Variants in CASZ1 observed in about 807,000 individuals in gnomAD.
CASZ1 encodes the protein castor zinc finger 1.
Under a neutral mutation model 135.2 loss-of-function variants are expected in CASZ1, and 28 were observed. The ratio of observed to expected loss-of-function variants is 0.21; its 90% CI spans 0.15 to 0.28. The LOEUF (loss-of-function observed/expected upper bound fraction) is 0.28. Ranked by LOEUF, CASZ1 falls within the 10% of genes least tolerant of loss-of-function variation. The pLI is 1.00. For missense variants in CASZ1, 2,161 were observed against 2,453.3 expected, an observed-to-expected ratio of 0.88 and a Z score of 2.52; for synonymous variants, 1,068 against 1,073.4, an observed-to-expected ratio of 0.99 and a Z score of 0.10.
intron 2 of CASZ1, among the ~76,000 whole-genome samples, chr1:10,754,642 C>T (rs890020169): frequency 7.9e-5 from 12 of 152,270 alleles, no homozygotes; most frequent in East Asian, 5.8e-4. Flanking sequence ...GAGGGGTGCC[C>T]GAGGGGACCC....
At chr1:10,655,900 C>CT (rs1642774339) in intron 8 of CASZ1, 87 bp from the exon 9 acceptor site, 2 of 1,406,686 alleles carry the variant, frequency 1.4e-6, no homozygotes. Flanking sequence ...GGGCCAGGTG[C>CT]TGGCCTCAGG....
intron 1 of CASZ1, among the ~76,000 whole-genome samples, chr1:10,795,888 C>T (rs1241836672): frequency 3.3e-5 from 5 of 152,172 alleles, no homozygotes; most frequent in African/African-American, 1.2e-4. Context: ...GCGAACACTG[C>T]CTACCTCTGC....
rs187833609 is a variant in CASZ1, at chr1:10,702,295, G to A, written c.-24+3197C>T. Among the ~76,000 whole-genome samples the A allele has an allele frequency of 7.4e-4, 113 of 152,248 alleles. 1 individual carries two copies. The highest frequency in any genetic ancestry group is 6.8e-3 in the Middle Eastern group (2 of 294). ...GCACCTGCACCCTTTCAAGGAGCGC[G>A]CCCAGCTTCCAGAAGGTCCACAGAG... On this transcript the variant is annotated intron_variant, in intron 3 of 20. Coordinates refer to ENST00000377022, the MANE Select transcript of CASZ1 (RefSeq NM_001079843.3).
In CASZ1 at chr1:10,755,821, C is replaced by T. The variant is rs925380737; in HGVS notation, c.-77+4880G>A. On this transcript the variant is annotated intron_variant, in intron 2 of 20. Coordinates refer to ENST00000377022, the MANE Select transcript of CASZ1 (RefSeq NM_001079843.3). The surrounding 1 kb of genome is among the most constrained non-coding windows in gnomAD (Gnocchi z 4.3). ...ACCCATCCTCTGGAGCACCACATCACGGTGGGAGGTGGGGAACCCTCCTGC... is the reference window on the plus strand; with the variant it reads ...ACCCATCCTCTGGAGCACCACATCATGGTGGGAGGTGGGGAACCCTCCTGC... Among the ~76,000 whole-genome samples, 3 of 152,112 alleles carry T rather than the reference C, an allele frequency of 2.0e-5. No homozygotes were observed. Among genetic ancestry groups the T allele is most frequent in the East Asian group, 1.9e-4 (1 of 5,170 alleles).
Position 10,653,697 on chromosome 1 carries a change from G to T in CASZ1, c.2360C>A (p.Ala787Asp), listed in dbSNP as rs1413609776. The change falls in exon 11 of 21, where the codon GCC becomes GAC. Residue 787 changes from alanine (A) to aspartate (D), a missense_variant. By Grantham distance (126) the Ala-to-Asp change is moderately radical (BLOSUM62 -2). Transcript: ENST00000377022. ...PQGLPGSIPL[A>D]LALSNSGLPT... ...CAGGCCCGAGTTGGAGAGGGCCAGG[G>T]CCAGGGGGATTGAGCCAGGCAGGCC... 7.6e-6 allele frequency: 12 copies of T among 1,587,388 alleles called. No individual in the cohort carries two copies. The highest frequency in any genetic ancestry group is 1.7e-4 in the Middle Eastern group (1 of 5,960).
At chr1:10,712,264 T>C (rs2100459859) in intron 2 of CASZ1, among the ~76,000 whole-genome samples, 1 of 152,148 alleles carries the variant, frequency 6.6e-6, no homozygotes, top group East Asian at 1.9e-4. Context: ...GAAAATCACT[T>C]GAACCTAGGA....
intron 1 of CASZ1, among the ~76,000 whole-genome samples, chr1:10,793,472 G>C (rs1481679806): frequency 6.6e-6 from 1 of 152,032 alleles, no homozygotes; most frequent in Non-Finnish European, 1.5e-5. Flanking sequence ...AACAAGGCAA[G>C]GGGAAAAAAA....
intron 2 of CASZ1, among the ~76,000 whole-genome samples, chr1:10,743,114 G>T (rs934823088): frequency 6.6e-6 from 1 of 152,094 alleles, no homozygotes; most frequent in Non-Finnish European, 1.5e-5. Flanking sequence ...CCCCAAATAG[G>T]AGTCCCTATG....
intron 1 of CASZ1, among the ~76,000 whole-genome samples, chr1:10,790,643 C>A (rs145701152): frequency 1.1e-4 from 16 of 152,300 alleles, no homozygotes; most frequent in Admixed American, 4.6e-4. Context: ...AGATTCATTC[C>A]GTGGACTCAC....
rs1638890257 is a variant in CASZ1, at chr1:10,694,835, GGGGA to G, written c.-23-927_-23-924del. 6.9e-6 allele frequency among the ~76,000 whole-genome samples: 1 copy of G among 144,902 alleles called. No homozygotes were observed. Among genetic ancestry groups the G allele is most frequent in the African/African-American group, 2.5e-5 (1 of 40,466 alleles). On this transcript the variant is annotated intron_variant, in intron 3 of 20. Coordinates refer to ENST00000377022, the MANE Select transcript of CASZ1 (RefSeq NM_001079843.3). This position sits in a 1 kb window ranked among gnomAD's most constrained non-coding sequence, Gnocchi z 6.6. ...GGCGGGAGGGGACCCGGCGCGGGGC[GGGGA>G]ACGCGGCCCGAGTAAGGCGCCCGCG... is the stretch of plus-strand genomic sequence containing the variant.
chr1:10,648,649 TTTCATTATG>T, intron 15 of CASZ1: 1 of 196,200 alleles, frequency 5.1e-6, no homozygotes, highest in Admixed American at 5.2e-5. Context: ...TACAAATTCA[TTTCATTATG>T]TTTAGGTCAA....
chr1:10,726,584 G>A lies in CASZ1; in HGVS notation c.-76-21040C>T, dbSNP rs899528401. Among the ~76,000 whole-genome samples the A allele has an allele frequency of 2.0e-5, 3 of 152,254 alleles. No homozygotes were observed. Among genetic ancestry groups the A allele is most frequent in the African/African-American group, 7.2e-5 (3 of 41,474 alleles). ...GGCCAGAGGAAACACCGGGCACGGG[G>A]AATGGAGCCCTCGCCAGCGTCTTTA... On this transcript the variant is annotated intron_variant, in intron 2 of 20. Transcript: ENST00000377022. This position sits in a 1 kb window ranked among gnomAD's most constrained non-coding sequence, Gnocchi z 5.7.
chr1:10,728,524 GTT>G lies in CASZ1; in HGVS notation c.-76-22982_-76-22981del, dbSNP rs537918633. 1.2e-3 allele frequency among the ~76,000 whole-genome samples: 179 copies of G among 152,256 alleles called. 1 individual carries two copies. Among genetic ancestry groups the G allele is most frequent in the East Asian group, 5.8e-3 (30 of 5,178 alleles). On this transcript the variant is annotated intron_variant, in intron 2 of 20. Transcript: ENST00000377022. Reference sequence around the variant, plus strand: ...GCAAACCCCAGAAACTTTCTGAATTGTTTCTCTCCCCAGCTGTCTACTGGCCT... The same window carrying G: ...GCAAACCCCAGAAACTTTCTGAATTGTCTCTCCCCAGCTGTCTACTGGCCT...
intron 4 of CASZ1, among the ~76,000 whole-genome samples, chr1:10,672,481 CG>C (rs1210444949): frequency 6.7e-6 from 1 of 150,230 alleles, no homozygotes; most frequent in African/African-American, 2.5e-5. Flanking sequence ...GCCCTCCGCC[CG>C]CCGGCCCGCC....
At chr1:10,680,283 GAT>G (rs1322344154) in intron 4 of CASZ1, among the ~76,000 whole-genome samples, 87 of 145,520 alleles carry the variant, frequency 6.0e-4, no homozygotes, top group African/African-American at 1.8e-3. Context: ...GGCGGCGGGG[GAT>G]GGTGGAGGGG....
intron 4 of CASZ1, among the ~76,000 whole-genome samples, chr1:10,681,781 C>T (rs547657016): frequency 4.6e-5 from 7 of 152,258 alleles, no homozygotes; most frequent in South Asian, 2.1e-4. Flanking sequence ...CTGACCCCCT[C>T]GGGGCTCCAG....
chr1:10,725,064 G>A lies in CASZ1; in HGVS notation c.-76-19520C>T, dbSNP rs551351271. On this transcript the variant is annotated intron_variant, in intron 2 of 20. Coordinates refer to ENST00000377022, the MANE Select transcript of CASZ1 (RefSeq NM_001079843.3). This position sits in a 1 kb window ranked among gnomAD's most constrained non-coding sequence, Gnocchi z 4.4. ...CAGAGGACGGAGGGAAGCAGCCCTC[G>A]CAGACGTGCAGGTGGCTGTTCTTCC... Among the ~76,000 whole-genome samples, 4 of 152,358 alleles carry A rather than the reference G, an allele frequency of 2.6e-5. No homozygotes were observed. The East Asian group carries it at 5.8e-4, about 22-fold the overall frequency.
At chr1:10,785,617 C>T (rs902422496) in intron 1 of CASZ1, among the ~76,000 whole-genome samples, 2 of 152,226 alleles carry the variant, frequency 1.3e-5, no homozygotes, top group Non-Finnish European at 2.9e-5. Flanking sequence ...TGTCTCGTGG[C>T]CCTCCACCCA....
chr1:10,714,190 TCCCGCTA>T (rs1444613374), intron 2 of CASZ1, among the ~76,000 whole-genome samples: 1 of 151,894 alleles, frequency 6.6e-6, no homozygotes, highest in Non-Finnish European at 1.5e-5. Flanking sequence ...CCTGTAGTAG[TCCCGCTA>T]CTGAGGAGGC....
Sources: allele counts gnomAD v4.1 joint callset (sites outside exome capture counted in the v4.1 genomes callset), GRCh38; gene constraint gnomAD v4.1.1; non-coding constraint Gnocchi (gnomAD v3.1); transcripts MANE v1.5; gene names NCBI Gene and HGNC (gene_info 2026-07-23, HGNC 2026-07-21).